The following GLB1 variants were observed in gnomAD, a reference collection of about 807,000 sequenced individuals.
The protein encoded by GLB1 is beta-galactosidase.
In GLB1, 56 loss-of-function variants were observed where a neutral mutation model predicts 74.0. The ratio of observed to expected loss-of-function variants is 0.76; its 90% CI spans 0.61 to 0.94. GLB1 has a LOEUF of 0.94. GLB1 is among the 40% of genes least tolerant of loss of function. The pLI is 0.00. For missense variants in GLB1, 787 were observed against 845.5 expected (o/e 0.93, Z 0.86); for synonymous variants, 323 against 323.6 (o/e 1.00, Z 0.02).
chr3:33,050,075 C>G (rs1262120125), intron 9 of GLB1, among the ~76,000 whole-genome samples: 2 of 152,098 alleles, frequency 1.3e-5, no homozygotes, highest in Non-Finnish European at 2.9e-5. Flanking sequence ...AATAAAGAGA[C>G]AGGTGGGAAA....
intron 5 of GLB1, among the ~76,000 whole-genome samples, chr3:33,062,556 G>T (rs1226219039): frequency 6.6e-6 from 1 of 152,174 alleles, no homozygotes; most frequent in African/African-American, 2.4e-5. Flanking sequence ...TTGGGAAGCT[G>T]AGGTGGGCGG....
chr3:33,093,643 C>G lies in GLB1; in HGVS notation c.75+3368G>C, dbSNP rs375586820. ...ACAGTTTTCACAGCCGGGGGCTGCG[C>G]GGCATTCAGAATCCCGGCCACGCTG... On this transcript the variant is annotated intron_variant, in intron 1 of 15. Coordinates refer to ENST00000307363, the MANE Select transcript of GLB1 (RefSeq NM_000404.4). The surrounding 1 kb of genome is among the most constrained non-coding windows in gnomAD (Gnocchi z 6.0). 6.2e-7 allele frequency: 1 copy of G among 1,614,168 alleles called. No homozygotes were observed. The highest frequency in any genetic ancestry group is 2.2e-5 in the East Asian group (1 of 44,872).
At chr3:33,008,875 T>C (rs756120181) in intron 15 of GLB1, among the ~76,000 whole-genome samples, 30 of 152,114 alleles carry the variant, frequency 2.0e-4, no homozygotes, top group Non-Finnish European at 2.9e-4. Flanking sequence ...ATCCCAGCAC[T>C]CTGGGAGGCC....
At chr3:32,969,251 T>C in the GLB1 span, among the ~76,000 whole-genome samples, 3 of 152,230 alleles carry the variant, frequency 2.0e-5, no homozygotes, top group African/African-American at 7.2e-5. Flanking sequence ...CTAATAGCTC[T>C]GACAAGAGCT....
At chr3:33,059,951 G>A (rs1034772807) in intron 5 of GLB1, among the ~76,000 whole-genome samples, 2 of 152,210 alleles carry the variant, frequency 1.3e-5, no homozygotes, top group African/African-American at 4.8e-5. Context: ...GCCTGGGAGA[G>A]ATTGTTAGGG....
At position 33,021,615 on chromosome 3, in the gene GLB1, G is replaced by A; in HGVS notation, c.1184C>T (p.Ser395Phe). The A allele has an allele frequency of 6.2e-7, 1 of 1,614,080 alleles. No homozygotes were observed. The highest frequency in any genetic ancestry group is 8.5e-7 in the Non-Finnish European group (1 of 1,179,998). Residue 395 changes from serine (S) to phenylalanine (F), a missense_variant, in exon 12 of 16, where the codon TCT (serine) becomes TTT (phenylalanine). Transcript: ENST00000307363. Reference sequence around the variant, plus strand: ...GGGATAAAGGCTTTTGATGGGCCCAGAGGGACACAGAATGTCCAGAGCTGC... The same window carrying A: ...GGGATAAAGGCTTTTGATGGGCCCAAAGGGACACAGAATGTCCAGAGCTGC... ...VGAALDILCPSGPIKSLYPLT... is the reference protein window; with the variant it reads ...VGAALDILCPFGPIKSLYPLT...
At chr3:33,044,786 CTT>C (rs1260170358) in intron 10 of GLB1, among the ~76,000 whole-genome samples, 1 of 151,964 alleles carries the variant, frequency 6.6e-6, no homozygotes, top group Admixed American at 6.6e-5. Context: ...GGCAGAAAAC[CTT>C]TGTTTTTTTA....
At chr3:33,073,125 C>G (rs1699947360) in intron 1 of GLB1, among the ~76,000 whole-genome samples, 1 of 152,022 alleles carries the variant, frequency 6.6e-6, no homozygotes, top group African/African-American at 2.4e-5. Context: ...TAACCAAGAC[C>G]CATTAACAAA....
chr3:32,987,041 C>T, the GLB1 span, among the ~76,000 whole-genome samples: 3 of 152,238 alleles, frequency 2.0e-5, no homozygotes, highest in Admixed American at 1.3e-4. Context: ...TCCCCAGCTA[C>T]CATGAGCGTT....
intron 10 of GLB1, chr3:33,034,436 AAGGATGGCC>A (rs1473453591): frequency 1.5e-5 from 11 of 736,010 alleles, no homozygotes; most frequent in Admixed American, 1.5e-4. Context: ...CAACCTCTTC[AAGGATGGCC>A]AGTGGAAGGA....
At chr3:33,022,692 C>T (rs1233198877) in intron 11 of GLB1, among the ~76,000 whole-genome samples, 3 of 149,392 alleles carry the variant, frequency 2.0e-5, no homozygotes, top group Non-Finnish European at 4.4e-5. Context: ...CTGCCTCAAC[C>T]TCCTGAGCAG....
the GLB1 span, among the ~76,000 whole-genome samples, chr3:32,987,787 T>C: frequency 4.9e-4 from 75 of 152,268 alleles, 1 homozygote; most frequent in African/African-American, 1.6e-3. Flanking sequence ...ACCTTAATAG[T>C]TGAATGAATG....
the GLB1 span, among the ~76,000 whole-genome samples, chr3:32,974,149 C>A: frequency 2.6e-5 from 4 of 152,164 alleles, no homozygotes; most frequent in Admixed American, 2.0e-4. Context: ...CTGTGGTATG[C>A]GCAAACCATT....
At chr3:32,991,366 C>A in the GLB1 span, among the ~76,000 whole-genome samples, 1 of 152,146 alleles carries the variant, frequency 6.6e-6, no homozygotes, top group Non-Finnish European at 1.5e-5. Context: ...GGCTTTCAGA[C>A]CTTTAGTGAA....
chr3:33,084,535 C>T (rs1700435162), intron 1 of GLB1, among the ~76,000 whole-genome samples: 1 of 152,120 alleles, frequency 6.6e-6, no homozygotes, highest in Non-Finnish European at 1.5e-5. Flanking sequence ...TTCACGCCTG[C>T]CTTGTGCCAA....
chr3:33,033,873 T>C, intron 10 of GLB1: 1 of 510,096 alleles, frequency 2.0e-6, no homozygotes, highest in Non-Finnish European at 4.0e-6. Flanking sequence ...ATGGTGTCAG[T>C]AATTAACACT....
intron 15 of GLB1, among the ~76,000 whole-genome samples, chr3:33,012,615 G>A (rs1316204543): frequency 6.6e-6 from 1 of 152,136 alleles, no homozygotes; most frequent in Non-Finnish European, 1.5e-5. Flanking sequence ...ATGGTATTTT[G>A]TTATAGCAGC....
At position 33,014,152 on chromosome 3, in the gene GLB1, G is replaced by A. The variant is rs752092360; in HGVS notation, c.1638C>T (p.Tyr546=). ...DEAWAHNSSN[Y]TLPAFYMGNF... ...TCCCCATATAAAAGGCCGGGAGCGT[G>A]TAGTTGGATGAGTTGTGGGCCCAGG... Residue 546 remains tyrosine, a synonymous_variant, in exon 15 of 16, where the codon TAC becomes TAT. Transcript: ENST00000307363. 2.5e-6 allele frequency: 4 copies of A among 1,614,208 alleles called. No individual in the cohort carries two copies. In the South Asian group the frequency reaches 4.4e-5, roughly 18 times the overall value.
At chr3:32,972,971 AC>A in the GLB1 span, among the ~76,000 whole-genome samples, 1 of 152,350 alleles carries the variant, frequency 6.6e-6, no homozygotes, top group South Asian at 2.1e-4. Context: ...AACTCAAGTC[AC>A]AAAACATGTT....
Sources: gnomAD v4.1 joint callset for allele counts (sites outside exome capture counted in the v4.1 genomes callset) on GRCh38, gnomAD v4.1.1 for gene constraint, Gnocchi (gnomAD v3.1) non-coding constraint, MANE v1.5 for transcripts, NCBI Gene and HGNC (gene_info 2026-07-23, HGNC 2026-07-21) for gene names.